Variants in UNC13B observed in about 807,000 individuals in gnomAD.
UNC13B encodes unc-13 homolog B, also known as protein unc-13 homolog B.
A neutral mutation model predicts 211.0 loss-of-function variants in UNC13B; 144 were observed. The observed-to-expected ratio is 0.68, with a 90% CI of 0.60 to 0.78. The LOEUF is 0.78. Ranked by LOEUF, UNC13B falls within the 30% of genes least tolerant of loss-of-function variation. The pLI is 0.00. For missense variants in UNC13B, 1,777 were observed against 2,002.0 expected (o/e 0.89, Z 2.14); for synonymous variants, 709 against 725.8 (o/e 0.98, Z 0.37).
chr9:35,385,124 C>T (rs1835107959), intron 22 of UNC13B: 18 of 985,454 alleles, frequency 1.8e-5, no homozygotes, highest in South Asian at 4.7e-5. Context: ...CAGCATCTCC[C>T]TTCAGCTCTT....
chr9:35,328,597 CCCCT>C (rs1831152587), intron 11 of UNC13B, among the ~76,000 whole-genome samples: 2 of 139,128 alleles, frequency 1.4e-5, no homozygotes, highest in South Asian at 4.8e-4. Context: ...TCTGAATTGT[CCCCT>C]TCCTTCCTTC....
At chr9:35,399,522 G>A (rs1836142185) in intron 35 of UNC13B, 74 bp downstream of exon 35, 1 of 1,609,118 alleles carries the variant, frequency 6.2e-7, no homozygotes, top group African/African-American at 1.3e-5. Context: ...CTGCGGGGAA[G>A]GAAATTGGAG....
intron 7 of UNC13B, among the ~76,000 whole-genome samples, chr9:35,287,952 T>A (rs1366499773): frequency 6.6e-6 from 1 of 152,100 alleles, no homozygotes; most frequent in East Asian, 1.9e-4. Context: ...ATGTTGTATT[T>A]TTTTCTCGGT....
At chr9:35,219,002 G>A (rs1327223820) in intron 1 of UNC13B, among the ~76,000 whole-genome samples, 3 of 152,122 alleles carry the variant, frequency 2.0e-5, no homozygotes, top group Non-Finnish European at 2.9e-5. Flanking sequence ...GCCTGCCTCG[G>A]CCTCCCAAAG....
In UNC13B at chr9:35,259,016, G is replaced by T. The variant is rs1419590715; in HGVS notation, c.492G>T (p.Gln164His). The T allele has an allele frequency of 6.2e-7, 1 of 1,613,764 alleles. No individual in the cohort carries two copies. The highest frequency in any genetic ancestry group is 1.3e-5 in the African/African-American group (1 of 74,904). Residue 164 changes from glutamine to histidine, a missense_variant, in exon 7 of 40, where the codon CAG becomes CAT. Coordinates refer to ENST00000635942, the MANE Select transcript of UNC13B (RefSeq NM_001371189.2). ...DNEYSSQEES[Q>H]RKPLPTAAAQ... ...AGTATTCTAGTCAAGAAGAAAGCCA[G>T]AGGAAGCCATTGCCCACTGCTGCCG...
At position 35,300,375 on chromosome 9, in the gene UNC13B, A is replaced by G. The variant is rs1030244886; in HGVS notation, c.971A>G (p.Asn324Ser). ...TACCCAGTTTTGTACCCCTACAAAA[A>G]TGGATTTGTGGTTAAGAGTGGCATG... Reference protein sequence around the residue: ...MGYPVLYPYKNGFVVKSGMQR... With the variant: ...MGYPVLYPYKSGFVVKSGMQR... The change falls in exon 9 of 40, where the codon AAT becomes AGT. Residue 324 changes from asparagine to serine, a missense_variant. Transcript: ENST00000635942. The G allele has an allele frequency of 2.0e-5, 8 of 398,886 alleles. No homozygotes were observed. Among genetic ancestry groups the G allele is most frequent in the Non-Finnish European group, 2.2e-5 (5 of 226,054 alleles). The allele number at this position is 398,886 out of a possible 1,614,324, so 24.7% of individuals were successfully genotyped here. A position where few individuals can be genotyped will look rare whatever the true frequency, so the allele number is the denominator to read the frequency against.
intron 1 of UNC13B, among the ~76,000 whole-genome samples, chr9:35,203,308 C>T (rs1359113099): frequency 2.6e-5 from 4 of 152,278 alleles, no homozygotes; most frequent in African/African-American, 9.6e-5. Flanking sequence ...TTGTTCCTTT[C>T]CATGTTTAGT....
At chr9:35,328,998 C>G (rs1418473194) in intron 11 of UNC13B, among the ~76,000 whole-genome samples, 1 of 151,874 alleles carries the variant, frequency 6.6e-6, no homozygotes, top group Non-Finnish European at 1.5e-5. Context: ...GTCTCGATCT[C>G]CTGACCTTGT....
At chr9:35,180,658 C>A (rs1270805220) in intron 1 of UNC13B, among the ~76,000 whole-genome samples, 1 of 151,988 alleles carries the variant, frequency 6.6e-6, no homozygotes, top group Non-Finnish European at 1.5e-5. Context: ...GGGTACTTAG[C>A]CTTTCTGAGT....
In UNC13B at chr9:35,278,312, T is replaced by C. The variant is rs370496158; in HGVS notation, c.527-17384T>C. Among the ~76,000 whole-genome samples, 276 of 152,334 alleles carry C rather than the reference T, an allele frequency of 1.8e-3. 8 individuals are homozygous for C. The South Asian group carries it at 0.056, about 31-fold the overall frequency. ...ACCTTCTCTCTGTTTAAATGTGTCGTAGAATTGAAAGTTTTGAGCCGCTTA... is the reference window on the plus strand; with the variant it reads ...ACCTTCTCTCTGTTTAAATGTGTCGCAGAATTGAAAGTTTTGAGCCGCTTA... On this transcript the variant is annotated intron_variant, in intron 7 of 39. Transcript: ENST00000635942.
At chr9:35,275,443 C>T (rs966695606) in intron 7 of UNC13B, among the ~76,000 whole-genome samples, 1 of 152,020 alleles carries the variant, frequency 6.6e-6, no homozygotes, top group Admixed American at 6.6e-5. Flanking sequence ...GTTCCTATTC[C>T]CCAGCCACTT....
rs567500576 is a variant in UNC13B, at chr9:35,376,278, G to A, written c.9835+31G>A. ...TGCCCTGCGGGATGAGGGGCGGGGA[G>A]TGGGGCAGCAGGGGCTTTCCAAAAT... On this transcript the variant is annotated intron_variant, in intron 15 of 39. Coordinates refer to ENST00000635942, the MANE Select transcript of UNC13B (RefSeq NM_001371189.2). The A allele has an allele frequency of 5.6e-6, 9 of 1,606,036 alleles. No individual in the cohort carries two copies. The South Asian group carries it at 6.6e-5, about 12-fold the overall frequency.
At chr9:35,366,552 G>A (rs75412119) in intron 11 of UNC13B, among the ~76,000 whole-genome samples, 10 of 152,270 alleles carry the variant, frequency 6.6e-5, no homozygotes, top group East Asian at 5.8e-4. Context: ...AATATAGCTG[G>A]AAGAAGACTG....
intron 11 of UNC13B, among the ~76,000 whole-genome samples, chr9:35,347,314 C>T (rs1832420080): frequency 6.6e-6 from 1 of 152,240 alleles, no homozygotes; most frequent in South Asian, 2.1e-4. Context: ...TCTTATCTCC[C>T]TGGCACACAC....
intron 8 of UNC13B, among the ~76,000 whole-genome samples, chr9:35,297,422 G>T (rs1829422159): frequency 6.7e-6 from 1 of 149,452 alleles, no homozygotes. Context: ...CAGGCCAGTT[G>T]TTTTGAGAAT....
chr9:35,354,857 A>AAT (rs886189385), intron 11 of UNC13B, among the ~76,000 whole-genome samples: 5 of 152,152 alleles, frequency 3.3e-5, no homozygotes, highest in African/African-American at 1.2e-4. Context: ...CAAAATTACA[A>AAT]ATATATATAT....
intron 24 of UNC13B, among the ~76,000 whole-genome samples, chr9:35,387,352 A>C (rs1204436626): frequency 6.6e-6 from 1 of 152,196 alleles, no homozygotes; most frequent in Non-Finnish European, 1.5e-5. Context: ...TCCTAGGAAC[A>C]CCCTCATAAA....
intron 11 of UNC13B, among the ~76,000 whole-genome samples, chr9:35,316,937 A>T (rs898188168): frequency 6.6e-5 from 10 of 151,984 alleles, no homozygotes; most frequent in South Asian, 2.1e-4. Context: ...ACATTGTTTT[A>T]AAAAAAAGTA....
intron 26 of UNC13B, 31 bp downstream of exon 26, chr9:35,390,745 A>G (rs1458317763): frequency 4.5e-5 from 72 of 1,596,916 alleles, no homozygotes; most frequent in Non-Finnish European, 5.7e-5. Context: ...GTGGGCTGCC[A>G]GGCTCCTAGC....
Sources: gnomAD v4.1 joint callset for allele counts (sites outside exome capture counted in the v4.1 genomes callset) on GRCh38, gnomAD v4.1.1 for gene constraint, MANE v1.5 for transcripts, NCBI Gene and HGNC (gene_info 2026-07-23, HGNC 2026-07-21) for gene names.